Variants in PDZD8 observed in about 807,000 individuals in gnomAD.
The protein encoded by PDZD8 is PDZ domain containing 8, also known as PDZ domain-containing protein 8.
In PDZD8, 14 loss-of-function variants were observed where a neutral mutation model predicts 85.8. The ratio of observed to expected loss-of-function variants is 0.16; its 90% confidence interval spans 0.11 to 0.26. The LOEUF (loss-of-function observed/expected upper bound fraction) is 0.26, where lower values mean the gene tolerates loss of function less well. Among genes scored for constraint, PDZD8 ranks in the 10% least tolerant of loss-of-function variants. The pLI is 1.00. For synonymous variants in PDZD8, 592 were observed against 568.6 expected, an observed-to-expected ratio of 1.04 and a Z score of -0.59; for missense variants, 1,197 against 1,424.3, an observed-to-expected ratio of 0.84 and a Z score of 2.57.
intron 1 of PDZD8, among the ~76,000 whole-genome samples, chr10:117,367,131 C>T (rs1487102786): frequency 6.6e-6 from 1 of 152,164 alleles, no homozygotes; most frequent in Non-Finnish European, 1.5e-5. Flanking sequence ...TATAGCCTCC[C>T]GGCAGGGTGT....
At chr10:117,342,418 A>ACACAC (rs1190310232) in intron 1 of PDZD8, among the ~76,000 whole-genome samples, 1 of 150,548 alleles carries the variant, frequency 6.6e-6, no homozygotes, top group Non-Finnish European at 1.5e-5. Context: ...ACACACACAC[A>ACACAC]CACACACACA....
At chr10:117,324,232 A>AAAAAAAAAAAAGAC (rs1278760915) in intron 2 of PDZD8, among the ~76,000 whole-genome samples, 1 of 146,096 alleles carries the variant, frequency 6.8e-6, no homozygotes, top group African/African-American at 2.7e-5. Flanking sequence ...AAAAAAAAAA[A>AAAAAAAAAAAAGAC]AAGACAAGAG....
chr10:117,353,299 G>A (rs1844838417), intron 1 of PDZD8, among the ~76,000 whole-genome samples: 1 of 152,182 alleles, frequency 6.6e-6, no homozygotes, highest in Non-Finnish European at 1.5e-5. Context: ...CCTAGAGGGA[G>A]TGGAAATCAA....
intron 3 of PDZD8, among the ~76,000 whole-genome samples, chr10:117,310,856 TA>T (rs1437740452): frequency 1.8e-4 from 28 of 152,126 alleles, no homozygotes; most frequent in Non-Finnish European, 1.5e-5. Context: ...AATCTGGCCT[TA>T]AAAAAACACA....
intron 1 of PDZD8, among the ~76,000 whole-genome samples, chr10:117,366,906 C>T: frequency 6.6e-6 from 1 of 152,216 alleles, no homozygotes; most frequent in East Asian, 1.9e-4. Flanking sequence ...AATGCCCACA[C>T]AGTGCCTAAT....
At chr10:117,356,459 G>A (rs577825992) in intron 1 of PDZD8, among the ~76,000 whole-genome samples, 76 of 152,084 alleles carry the variant, frequency 5.0e-4, no homozygotes, top group Non-Finnish European at 8.7e-4. Context: ...TATTTAAATC[G>A]TTTCATTTTA....
rs1446546784 is a variant in PDZD8, at chr10:117,370,224, T to G, written c.872+4132A>C. 2.2e-4 allele frequency among the ~76,000 whole-genome samples: 34 copies of G among 152,354 alleles called. 1 individual carries two copies. Among genetic ancestry groups the G allele is most frequent in the Non-Finnish European group, 5.9e-5 (4 of 68,042 alleles). ...AAACATATTGTCTACATATTATAAT[T>G]CATTTTGTAAAATAAAATGTTTTAC... is the stretch of plus-strand genomic sequence containing the variant. On this transcript the variant is annotated intron_variant, in intron 1 of 4. Coordinates refer to ENST00000334464, the MANE Select transcript of PDZD8 (RefSeq NM_173791.5).
intron 1 of PDZD8, among the ~76,000 whole-genome samples, chr10:117,360,533 C>CT (rs973489564): frequency 8.2e-4 from 125 of 152,162 alleles, no homozygotes; most frequent in Middle Eastern, 3.4e-3. Context: ...TTATGCAACT[C>CT]TGATATATGT....
rs1367447004 is a variant in PDZD8, at chr10:117,375,371, G to C, written c.-144C>G. ...TCCGTGGGCCTCGTCCAGGGGCTCG[G>C]GCCGGCGCGCTGCGGCGCCCGAGCC... On this transcript the variant is annotated 5_prime_UTR_variant, in exon 1 of 5. Coordinates refer to ENST00000334464, the MANE Select transcript of PDZD8 (RefSeq NM_173791.5). The C allele has an allele frequency of 5.7e-6, 3 of 524,208 alleles. No individual in the cohort carries two copies. The highest frequency in any genetic ancestry group is 8.7e-6 in the Non-Finnish European group (3 of 346,244). 32.5% of individuals were successfully genotyped at this position (524,208 alleles called of 1,614,324 possible).
chr10:117,342,776 C>T (rs570027825), intron 1 of PDZD8, among the ~76,000 whole-genome samples: 1 of 152,336 alleles, frequency 6.6e-6, no homozygotes, highest in African/African-American at 2.4e-5. Flanking sequence ...AGGCCTGAGC[C>T]ACCACACCCA....
At chr10:117,348,848 C>T (rs974981949) in intron 1 of PDZD8, among the ~76,000 whole-genome samples, 1 of 152,168 alleles carries the variant, frequency 6.6e-6, no homozygotes, top group South Asian at 2.1e-4. Flanking sequence ...GATCTACAGT[C>T]CCTTAACTGA....
rs1205752540 is a variant in PDZD8, at chr10:117,284,562, C to G, written c.2171G>C (p.Gly724Ala). ...AACATGCCCCAAACAGATGAGACCTCCCAACTTGAAAGGATCCCTGCACCA... is the reference window on the plus strand; with the variant it reads ...AACATGCCCCAAACAGATGAGACCTGCCAACTTGAAAGGATCCCTGCACCA... ...ALWCRDPFKL[G>A]GLICLGHVSL... The change falls in exon 5 of 5, where the codon GGA becomes GCA. Residue 724 changes from glycine (G) to alanine (A), a missense_variant. Physicochemically the swap from Gly to Ala is moderately conservative, Grantham distance 60. This residue lies in a region of PDZD8 where 418 missense variants were observed against 571.1 expected (regional missense o/e 0.73). Transcript: ENST00000334464. The G allele has an allele frequency of 6.2e-7, 1 of 1,614,148 alleles. No individual in the cohort carries two copies. The highest frequency in any genetic ancestry group is 8.5e-7 in the Non-Finnish European group (1 of 1,180,028).
rs1221186371 is a variant in PDZD8 at position 117,278,872 on chromosome 10, T to C, written c.*4396A>G. On this transcript the variant is annotated 3_prime_UTR_variant, in exon 5 of 5. Transcript: ENST00000334464. ...TGGCCAAGTCTGCCACTTTGGAAGA[T>C]GGCTCTGGAGGAAACTCTCATATGG... 2.0e-5 allele frequency: 3 copies of C among 152,208 alleles called. No homozygotes were observed. Among genetic ancestry groups the C allele is most frequent in the Admixed American group, 2.0e-4 (3 of 15,278 alleles). 9.4% of individuals were successfully genotyped at this position (152,208 alleles called of 1,614,324 possible).
intron 2 of PDZD8, among the ~76,000 whole-genome samples, chr10:117,337,287 A>T (rs1324649458): frequency 6.6e-6 from 1 of 152,212 alleles, no homozygotes; most frequent in Non-Finnish European, 1.5e-5. Context: ...TTATAAATTT[A>T]AAAATAATCA....
At chr10:117,342,423 CACACAT>C (rs765163193) in intron 1 of PDZD8, among the ~76,000 whole-genome samples, 3,269 of 145,278 alleles carry the variant, frequency 0.023, 40 homozygotes, top group African/African-American at 0.039. Context: ...CACACACACA[CACACAT>C]AGTCAAAAGT....
At chr10:117,289,728 G>A (rs1014425502) in intron 4 of PDZD8, among the ~76,000 whole-genome samples, 21 of 152,282 alleles carry the variant, frequency 1.4e-4, no homozygotes, top group South Asian at 4.1e-4. Flanking sequence ...GTTCAGATGT[G>A]CCCTCCTGGA....
chr10:117,310,626 T>C (rs1431734240), intron 3 of PDZD8, among the ~76,000 whole-genome samples: 2 of 152,298 alleles, frequency 1.3e-5, no homozygotes, highest in South Asian at 4.1e-4. Context: ...CTCAAAGGCA[T>C]TTAAAGAAGC....
chr10:117,365,403 T>C (rs1193765786), intron 1 of PDZD8, among the ~76,000 whole-genome samples: 1 of 152,164 alleles, frequency 6.6e-6, no homozygotes, highest in African/African-American at 2.4e-5. Flanking sequence ...TAATAGCAAA[T>C]TATAATACAT....
At chr10:117,331,396 AG>A (rs1257454336) in intron 2 of PDZD8, among the ~76,000 whole-genome samples, 13 of 152,362 alleles carry the variant, frequency 8.5e-5, no homozygotes, top group African/African-American at 2.9e-4. Context: ...AGAGAGGTTG[AG>A]TAACATGCCA....
Sources: allele counts gnomAD v4.1 joint callset (sites outside exome capture counted in the v4.1 genomes callset), GRCh38; gene constraint gnomAD v4.1.1; regional missense constraint gnomAD v4.1.1; transcripts MANE v1.5; gene names NCBI Gene and HGNC (gene_info 2026-07-23, HGNC 2026-07-21).